The following IPCEF1 variants were observed in gnomAD, a reference collection of about 807,000 sequenced individuals.
IPCEF1 encodes the protein interaction protein for cytohesin exchange factors 1, also known as interactor protein for cytohesin exchange factors 1.
A neutral mutation model predicts 50.9 loss-of-function variants in IPCEF1; 31 were observed. The observed-to-expected ratio is 0.61, with a 90% confidence interval of 0.46 to 0.82. The LOEUF (loss-of-function observed/expected upper bound fraction) is 0.82. Ranked by LOEUF, IPCEF1 falls within the 40% of genes least tolerant of loss-of-function variation. IPCEF1 has a pLI of 0.00. For synonymous variants in IPCEF1, 181 were observed against 192.0 expected, an observed-to-expected ratio of 0.94 and a Z score of 0.47; for missense variants, 458 against 514.0, an observed-to-expected ratio of 0.89 and a Z score of 1.05.
intron 10 of IPCEF1, among the ~76,000 whole-genome samples, chr6:154,178,379 T>C (rs1800538172): frequency 6.6e-6 from 1 of 152,200 alleles, no homozygotes; most frequent in African/African-American, 2.4e-5. Context: ...TAGGATAACA[T>C]GGCATATAAT....
chr6:154,215,277 G>A (rs1391325128), intron 7 of IPCEF1, among the ~76,000 whole-genome samples: 1 of 130,876 alleles, frequency 7.6e-6, no homozygotes, highest in Non-Finnish European at 1.6e-5. Flanking sequence ...AACCTGCCAT[G>A]GTCTTGTTGT....
At chr6:154,355,428 C>T (rs1030186486) in intron 1 of IPCEF1, among the ~76,000 whole-genome samples, 5 of 151,930 alleles carry the variant, frequency 3.3e-5, no homozygotes, top group Admixed American at 2.6e-4. Context: ...TTCTTCCTTG[C>T]TTGCATGATG....
At chr6:154,269,469 T>C (rs1781849014) in intron 2 of IPCEF1, among the ~76,000 whole-genome samples, 1 of 152,130 alleles carries the variant, frequency 6.6e-6, no homozygotes, top group African/African-American at 2.4e-5. Context: ...CTTTGTTTCT[T>C]TTTTTTCTTT....
intron 9 of IPCEF1, among the ~76,000 whole-genome samples, chr6:154,206,846 C>G (rs1030977729): frequency 7.2e-5 from 11 of 152,354 alleles, no homozygotes; most frequent in African/African-American, 2.6e-4. Flanking sequence ...TTTTGGGGAA[C>G]AGCAGGCCGT....
At chr6:154,181,007 T>C (rs1800825198) in intron 10 of IPCEF1, among the ~76,000 whole-genome samples, 1 of 152,118 alleles carries the variant, frequency 6.6e-6, no homozygotes, top group South Asian at 2.1e-4. Flanking sequence ...TTTGGGTATT[T>C]TGCATACCCT....
chr6:154,323,924 G>C (rs966878977), intron 1 of IPCEF1, among the ~76,000 whole-genome samples: 6 of 152,200 alleles, frequency 3.9e-5, no homozygotes, highest in Admixed American at 3.3e-4. Context: ...TTGCACTCCA[G>C]CCTGGATGAC....
At chr6:154,297,444 G>C (rs1194317679) in intron 1 of IPCEF1, among the ~76,000 whole-genome samples, 1 of 152,158 alleles carries the variant, frequency 6.6e-6, no homozygotes, top group African/African-American at 2.4e-5. Context: ...TGACGTGCAG[G>C]TCTGGCAATG....
intron 1 of IPCEF1, among the ~76,000 whole-genome samples, chr6:154,293,137 T>A (rs1333117361): frequency 6.6e-6 from 1 of 152,232 alleles, no homozygotes; most frequent in East Asian, 1.9e-4. Flanking sequence ...AATCGGTGTA[T>A]GTAACTTGAG....
Position 154,284,639 on chromosome 6 carries a change from A to G in IPCEF1, c.-18+5074T>C, listed in dbSNP as rs866537080. The stretch of plus-strand genomic sequence containing the variant: ...GAGCTTTCATCAGCCTGAATCCCTG[A>G]GTGACTTTGTGGAGTAGAGGATCTC... On this transcript the variant is annotated intron_variant, in intron 2 of 11. Transcript: ENST00000367220. Among the ~76,000 whole-genome samples the G allele has an allele frequency of 6.6e-5, 10 of 152,246 alleles. No individual in the cohort carries two copies. The South Asian group carries it at 8.3e-4, about 13-fold the overall frequency.
At chr6:154,318,920 A>AG (rs1172710657) in intron 1 of IPCEF1, among the ~76,000 whole-genome samples, 2 of 152,142 alleles carry the variant, frequency 1.3e-5, no homozygotes, top group Non-Finnish European at 2.9e-5. Flanking sequence ...GATGTCAACA[A>AG]GGGGAACTTT....
intron 1 of IPCEF1, among the ~76,000 whole-genome samples, chr6:154,298,333 C>T (rs1380083600): frequency 6.6e-6 from 1 of 152,140 alleles, no homozygotes; most frequent in African/African-American, 2.4e-5. Flanking sequence ...TCAGATACAC[C>T]CCATTTTGAT....
chr6:154,179,948 T>C (rs1381096477), intron 10 of IPCEF1, among the ~76,000 whole-genome samples: 1 of 152,170 alleles, frequency 6.6e-6, no homozygotes, highest in Non-Finnish European at 1.5e-5. Context: ...TCCTAAGTGA[T>C]GCTGGAATTG....
chr6:154,272,750 G>C (rs1487049029), intron 2 of IPCEF1, among the ~76,000 whole-genome samples: 1 of 152,124 alleles, frequency 6.6e-6, no homozygotes, highest in Admixed American at 6.6e-5. Flanking sequence ...TGTTTAGAAA[G>C]TTATTTAAGA....
At chr6:154,173,054 C>G (rs961717209) in intron 10 of IPCEF1, among the ~76,000 whole-genome samples, 1 of 152,228 alleles carries the variant, frequency 6.6e-6, no homozygotes, top group African/African-American at 2.4e-5. Flanking sequence ...CAGCAAACTC[C>G]AACAGACGTG....
At chr6:154,323,202 C>T (rs1024174883) in intron 1 of IPCEF1, among the ~76,000 whole-genome samples, 10 of 152,242 alleles carry the variant, frequency 6.6e-5, no homozygotes, top group East Asian at 1.9e-4. Flanking sequence ...TCCACGTGCA[C>T]GAGGGACTAG....
chr6:154,183,719 T>A (rs1454775842), intron 10 of IPCEF1, among the ~76,000 whole-genome samples: 1 of 151,842 alleles, frequency 6.6e-6, no homozygotes, highest in Non-Finnish European at 1.5e-5. Context: ...GCCAACAGGG[T>A]GAAACCCCAT....
intron 7 of IPCEF1, among the ~76,000 whole-genome samples, chr6:154,218,309 C>G (rs572121594): frequency 2.6e-5 from 4 of 152,302 alleles, no homozygotes; most frequent in South Asian, 2.1e-4. Flanking sequence ...AGGCAGCTCC[C>G]GTCTTTGCTG....
intron 10 of IPCEF1, among the ~76,000 whole-genome samples, chr6:154,195,955 C>G (rs1031218446): frequency 6.6e-6 from 1 of 151,932 alleles, no homozygotes; most frequent in Non-Finnish European, 1.5e-5. Flanking sequence ...CCATACCTGG[C>G]TAATTTTTGT....
intron 1 of IPCEF1, among the ~76,000 whole-genome samples, chr6:154,312,330 G>A (rs1783097848): frequency 6.6e-6 from 1 of 152,042 alleles, no homozygotes; most frequent in Non-Finnish European, 1.5e-5. Context: ...AAGGATTGGA[G>A]AGAAGTTGGT....
Sources: gnomAD v4.1 joint callset for allele counts (sites outside exome capture counted in the v4.1 genomes callset) on GRCh38, gnomAD v4.1.1 for gene constraint, MANE v1.5 for transcripts, NCBI Gene and HGNC (gene_info 2026-07-23, HGNC 2026-07-21) for gene names.